QSER1: variants seen among roughly 807,000 people sequenced by gnomAD.
QSER1 encodes glutamine and serine rich 1, also known as glutamine and serine-rich protein 1.
Under a neutral mutation model 158.5 loss-of-function variants are expected in QSER1, and 49 were observed. The observed-to-expected ratio is 0.31, with a 90% CI of 0.25 to 0.39. The LOEUF (loss-of-function observed/expected upper bound fraction) is 0.39. Among genes scored for constraint, QSER1 ranks in the 10% least tolerant of loss-of-function variants. The probability of loss-of-function intolerance (pLI) is 1.00; values close to 1 mark genes in which losing one functional copy is unlikely to be tolerated. For synonymous variants in QSER1, 650 were observed against 715.5 expected (o/e 0.91, Z 1.46); for missense variants, 1,754 against 2,010.3 (o/e 0.87, Z 2.44).
intron 4 of QSER1, among the ~76,000 whole-genome samples, chr11:32,952,013 T>C (rs1419706299): frequency 6.6e-6 from 1 of 152,088 alleles, no homozygotes; most frequent in Non-Finnish European, 1.5e-5. Flanking sequence ...AATTTTTTTG[T>C]ATTTTTAGTA....
rs1317408434 is a variant in QSER1 at position 32,979,883 on chromosome 11, G to A, written c.*3409G>A. 6.6e-6 allele frequency: 1 copy of A among 152,130 alleles called. No individual in the cohort carries two copies. Among genetic ancestry groups the A allele is most frequent in the African/African-American group, 2.4e-5 (1 of 41,418 alleles). 9.4% of individuals were successfully genotyped at this position (152,130 alleles called of 1,614,324 possible). A position where few individuals can be genotyped will look rare whatever the true frequency, so the allele number is the denominator to read the frequency against. On this transcript the variant is annotated 3_prime_UTR_variant, in exon 13 of 13. Coordinates refer to ENST00000650167, the MANE Select transcript of QSER1 (RefSeq NM_001076786.3). ...GCAAGTTGCAAATTTTATTGTATTTGTAGAATACAATTTTTGTTTTAAACT... is the reference window on the plus strand; with the variant it reads ...GCAAGTTGCAAATTTTATTGTATTTATAGAATACAATTTTTGTTTTAAACT...
At chr11:32,903,786 A>T (rs906615884) in intron 1 of QSER1, among the ~76,000 whole-genome samples, 4 of 151,872 alleles carry the variant, frequency 2.6e-5, no homozygotes, top group African/African-American at 7.3e-5. Flanking sequence ...TAATTTTTGT[A>T]TTTTTAGTAG....
intron 4 of QSER1, among the ~76,000 whole-genome samples, chr11:32,953,631 G>A (rs1489502395): frequency 1.3e-5 from 2 of 152,164 alleles, no homozygotes; most frequent in Non-Finnish European, 2.9e-5. Context: ...CGGGAGGATA[G>A]GTAGATAGTT....
chr11:32,953,503 A>G lies in QSER1; in HGVS notation c.4178-354A>G, dbSNP rs113971387. On this transcript the variant is annotated intron_variant, in intron 4 of 12. Coordinates refer to ENST00000650167, the MANE Select transcript of QSER1 (RefSeq NM_001076786.3). Reference sequence around the variant, plus strand: ...TGATTAGCTGAGACTACAGGCACACAACACTATGCTCGGCTAATTTTTTAT... The same window carrying G: ...TGATTAGCTGAGACTACAGGCACACGACACTATGCTCGGCTAATTTTTTAT... Among the ~76,000 whole-genome samples, 630 of 152,150 alleles carry G rather than the reference A, an allele frequency of 4.1e-3. 3 individuals are homozygous for G. Among genetic ancestry groups the G allele is most frequent in the African/African-American group, 0.014 (575 of 41,512 alleles).
rs1851509787 is a variant in QSER1 at position 32,893,361 on chromosome 11, G to T, written c.209+27G>T. 6.6e-6 allele frequency: 1 copy of T among 152,544 alleles called. No individual in the cohort carries two copies. The highest frequency in any genetic ancestry group is 6.5e-5 in the Admixed American group (1 of 15,276). The allele number at this position is 152,544 out of a possible 1,614,324, so 9.4% of individuals were successfully genotyped here. ...TAGGGAGGGTGGGCGGCGGGGTCGC[G>T]GTGGACCAGGAAAGGCCGGGGATGC... On this transcript the variant is annotated intron_variant, in intron 1 of 12. Transcript: ENST00000650167. This position sits in a 1 kb window ranked among gnomAD's most constrained non-coding sequence, Gnocchi z 4.7.
At chr11:32,947,614 G>A (rs1388582627) in intron 4 of QSER1, among the ~76,000 whole-genome samples, 1 of 151,992 alleles carries the variant, frequency 6.6e-6, no homozygotes, top group African/African-American at 2.4e-5. Flanking sequence ...GGTTATAGTA[G>A]GGTTTGTATT....
chr11:32,955,908 G>T, intron 6 of QSER1, 80 bp from the exon 7 acceptor site: 1 of 1,318,728 alleles, frequency 7.6e-7, no homozygotes, highest in Non-Finnish European at 1.1e-6. Flanking sequence ...GGTTGGCTAT[G>T]GGATAGTCAA....
chr11:32,917,705 A>G (rs914263096), intron 1 of QSER1, among the ~76,000 whole-genome samples: 1 of 150,922 alleles, frequency 6.6e-6, no homozygotes, highest in Non-Finnish European at 1.5e-5. Context: ...ACCGGCCTAT[A>G]GTCCCAGCTA....
At position 32,935,178 on chromosome 11, in the gene QSER1, G is replaced by A. The variant is rs777418517; in HGVS notation, c.3920G>A (p.Arg1307Gln). 88 of 1,613,878 alleles carry A rather than the reference G, an allele frequency of 5.5e-5. No homozygotes were observed. The highest frequency in any genetic ancestry group is 1.6e-4 in the South Asian group (15 of 91,076). ...LAVRMPNRTR[R>Q]PGTQMVRTFC... is the part of the protein sequence containing the mutation. ...GTACGAATGCCTAACAGGACTAGACGGCCAGGGACCCAGATGGTTCGTACA... is the reference window on the plus strand; with the variant it reads ...GTACGAATGCCTAACAGGACTAGACAGCCAGGGACCCAGATGGTTCGTACA... Residue 1307 changes from arginine (R) to glutamine (Q), a missense_variant, in exon 4 of 13, where the codon CGG becomes CAG. By Grantham distance (43) the Arg-to-Gln change is conservative. Transcript: ENST00000650167.
chr11:32,934,678 T>A lies in QSER1; in HGVS notation c.3420T>A (p.Ser1140Arg). The change falls in exon 4 of 13, where the codon AGT (serine) becomes AGA (arginine). Residue 1140 changes from serine (S) to arginine (R), a missense_variant. Around this residue, in one of 2 missense-constraint regions of QSER1, gnomAD observed 1,707 missense variants for 1,919.6 expected, o/e 0.89. Transcript: ENST00000650167. The part of the protein sequence containing the change: ...NNRNQEFVSS[S>R]RSISGENATS... The stretch of plus-strand genomic sequence containing the variant: ...GAAACCAAGAGTTTGTTTCTAGTAG[T>A]AGAAGTATAAGTGGAGAGAATGCTA... The A allele has an allele frequency of 6.2e-7, 1 of 1,613,838 alleles. No individual in the cohort carries two copies. Among genetic ancestry groups the A allele is most frequent in the Non-Finnish European group, 8.5e-7 (1 of 1,179,908 alleles).
At chr11:32,927,327 A>G (rs552515584) in intron 2 of QSER1, 58 bp downstream of exon 2, 2 of 152,774 alleles carry the variant, frequency 1.3e-5, no homozygotes, top group Non-Finnish European at 2.9e-5. Context: ...GAATAAGAAG[A>G]AAAACCAATT....
At chr11:32,952,656 T>C (rs922560531) in intron 4 of QSER1, among the ~76,000 whole-genome samples, 3 of 152,164 alleles carry the variant, frequency 2.0e-5, no homozygotes, top group African/African-American at 7.2e-5. Flanking sequence ...TTGGAGTTTA[T>C]AAAAGATTGA....
At chr11:32,923,029 G>C (rs1046328521) in intron 1 of QSER1, among the ~76,000 whole-genome samples, 5 of 152,126 alleles carry the variant, frequency 3.3e-5, no homozygotes, top group Non-Finnish European at 5.9e-5. Context: ...ATTCATGATT[G>C]CCCCAGATGT....
chr11:32,956,529 A>C (rs536746375), intron 7 of QSER1, among the ~76,000 whole-genome samples: 2 of 152,350 alleles, frequency 1.3e-5, no homozygotes, highest in South Asian at 4.1e-4. Flanking sequence ...TAAGAACTAC[A>C]TTACTGTACA....
chr11:32,969,801 C>T (rs1395105725), intron 10 of QSER1, among the ~76,000 whole-genome samples: 2 of 151,544 alleles, frequency 1.3e-5, no homozygotes, highest in East Asian at 3.9e-4. Flanking sequence ...TCTTGTGCCT[C>T]AGCCTCCTGA....
Position 32,977,349 on chromosome 11 carries a change from TC to T in QSER1, c.*876del, listed in dbSNP as rs1373849794. ...TTCTATCTTGAGGTAACCATTTTTTTCATACAGATTTGCTTCAGTGTTATCC... is the reference window on the plus strand; with the variant it reads ...TTCTATCTTGAGGTAACCATTTTTTTATACAGATTTGCTTCAGTGTTATCC... On this transcript the variant is annotated 3_prime_UTR_variant, in exon 13 of 13. Transcript: ENST00000650167. 1 of 152,650 alleles carries T rather than the reference TC, an allele frequency of 6.6e-6. No homozygotes were observed. The highest frequency in any genetic ancestry group is 1.5e-5 in the Non-Finnish European group (1 of 68,038). 9.5% of individuals were successfully genotyped at this position (152,650 alleles called of 1,614,324 possible). A position where few individuals can be genotyped will look rare whatever the true frequency, so the allele number is the denominator to read the frequency against.
intron 7 of QSER1, 160 bp from the exon 8 acceptor site, chr11:32,957,709 A>T: frequency 1.7e-6 from 1 of 604,394 alleles, no homozygotes. Context: ...ATTTTATGGG[A>T]ATCACCATTG....
In QSER1 at chr11:32,979,055, T is replaced by C. The variant is rs900231315; in HGVS notation, c.*2581T>C. The C allele has an allele frequency of 6.6e-6, 1 of 152,310 alleles. No homozygotes were observed. The highest frequency in any genetic ancestry group is 1.5e-5 in the Non-Finnish European group (1 of 68,044). 9.4% of individuals were successfully genotyped at this position (152,310 alleles called of 1,614,324 possible). On this transcript the variant is annotated 3_prime_UTR_variant, in exon 13 of 13. Coordinates refer to ENST00000650167, the MANE Select transcript of QSER1 (RefSeq NM_001076786.3). ...CTGTACTGAATACTGTAGGCAGTTG[T>C]AACACAATGGTATTTGTGTATCTAG...
intron 1 of QSER1, among the ~76,000 whole-genome samples, chr11:32,910,328 T>G (rs1009119612): frequency 1.3e-5 from 2 of 152,230 alleles, no homozygotes; most frequent in Non-Finnish European, 2.9e-5. Context: ...GGTTTCCTTT[T>G]ATTTACCACC....
Sources: allele counts gnomAD v4.1 joint callset (sites outside exome capture counted in the v4.1 genomes callset), GRCh38; gene constraint gnomAD v4.1.1; regional missense constraint gnomAD v4.1.1; non-coding constraint Gnocchi (gnomAD v3.1); transcripts MANE v1.5; gene names NCBI Gene and HGNC (gene_info 2026-07-23, HGNC 2026-07-21).